Variants in ARHGEF7 observed in about 807,000 individuals in gnomAD.
ARHGEF7 encodes the protein Rho guanine nucleotide exchange factor 7.
Under a neutral mutation model 109.8 loss-of-function variants are expected in ARHGEF7, and 33 were observed. The ratio of observed to expected loss-of-function variants is 0.30; its 90% CI spans 0.23 to 0.40. ARHGEF7 has a LOEUF of 0.40. Among genes scored for constraint, ARHGEF7 ranks in the 10% least tolerant of loss-of-function variants. The pLI is 1.00. For synonymous variants in ARHGEF7, 458 were observed against 424.6 expected (o/e 1.08, Z -0.97); for missense variants, 938 against 1,098.5 (o/e 0.85, Z 2.07).
At chr13:111,129,619 A>C (rs968984364) in intron 1 of ARHGEF7, among the ~76,000 whole-genome samples, 7 of 152,224 alleles carry the variant, frequency 4.6e-5, no homozygotes, top group African/African-American at 1.7e-4. Context: ...ACTCAAAAAG[A>C]AGCTCAACAT....
At chr13:111,120,226 G>A (rs1230548648) in intron 1 of ARHGEF7, among the ~76,000 whole-genome samples, 1 of 152,200 alleles carries the variant, frequency 6.6e-6, no homozygotes, top group Non-Finnish European at 1.5e-5. Flanking sequence ...TGCATTTGCT[G>A]GCTCACTAAA....
chr13:111,116,009 G>A (rs2066737963), intron 1 of ARHGEF7, among the ~76,000 whole-genome samples: 1 of 151,990 alleles, frequency 6.6e-6, no homozygotes, highest in Non-Finnish European at 1.5e-5. Flanking sequence ...GCCCCTCCGC[G>A]TGGGGGGCCG....
intron 4 of ARHGEF7, 142 bp downstream of exon 4, chr13:111,210,144 A>C: frequency 9.0e-7 from 1 of 1,110,906 alleles, no homozygotes; most frequent in South Asian, 1.6e-5. Flanking sequence ...TTGTGCCTGT[A>C]ATCTGGTTTG....
intron 19 of ARHGEF7, among the ~76,000 whole-genome samples, chr13:111,298,543 A>G (rs2093477451): frequency 6.6e-6 from 1 of 152,254 alleles, no homozygotes; most frequent in Admixed American, 6.5e-5. Context: ...CTTGCAGCCC[A>G]AAGGGCTGTC....
At chr13:111,245,914 C>T (rs2088759268) in intron 8 of ARHGEF7, among the ~76,000 whole-genome samples, 1 of 152,178 alleles carries the variant, frequency 6.6e-6, no homozygotes, top group African/African-American at 2.4e-5. Flanking sequence ...GAACATGTTC[C>T]AATATCAAAT....
intron 1 of ARHGEF7, among the ~76,000 whole-genome samples, chr13:111,149,095 A>T (rs898064390): frequency 1.3e-5 from 2 of 152,130 alleles, no homozygotes; most frequent in Non-Finnish European, 2.9e-5. Flanking sequence ...CTAAAAAAAA[A>T]GCCCTATACA....
intron 5 of ARHGEF7, among the ~76,000 whole-genome samples, chr13:111,221,975 T>C (rs1273908648): frequency 6.6e-6 from 1 of 152,122 alleles, no homozygotes; most frequent in Non-Finnish European, 1.5e-5. Flanking sequence ...GAGAAAGATG[T>C]AGGCTGGGAG....
chr13:111,121,491 G>A lies in ARHGEF7; in HGVS notation c.165+5800G>A, dbSNP rs148169225. 7.9e-5 allele frequency among the ~76,000 whole-genome samples: 12 copies of A among 152,382 alleles called. No homozygotes were observed. In the East Asian group the frequency reaches 2.3e-3, roughly 29 times the overall value. On this transcript the variant is annotated intron_variant, in intron 1 of 21. Coordinates refer to ENST00000646102, the MANE Select transcript of ARHGEF7 (RefSeq NM_001354046.2). ...CTGATCACTCTAAAATGTAAAGAGT[G>A]GAGGCGATGGGGGCTGTGAGGTGAG...
chr13:111,265,935 G>A (rs2091592360), intron 8 of ARHGEF7, among the ~76,000 whole-genome samples: 2 of 152,214 alleles, frequency 1.3e-5, no homozygotes, highest in Admixed American at 6.5e-5. Flanking sequence ...GTTCCCAGCA[G>A]GGGCGGACTG....
chr13:111,195,793 T>C (rs999622386), intron 2 of ARHGEF7, among the ~76,000 whole-genome samples: 5 of 152,210 alleles, frequency 3.3e-5, no homozygotes, highest in African/African-American at 9.6e-5. Context: ...TAACAAGCCC[T>C]ACTGGGTGAT....
intron 2 of ARHGEF7, among the ~76,000 whole-genome samples, chr13:111,203,769 A>ATTT (rs1222358584): frequency 1.3e-5 from 2 of 152,208 alleles, no homozygotes; most frequent in African/African-American, 4.8e-5. Context: ...AAAATTATAG[A>ATTT]CAGAAGGCCT....
At chr13:111,245,815 T>C (rs747975725) in intron 8 of ARHGEF7, among the ~76,000 whole-genome samples, 3 of 152,212 alleles carry the variant, frequency 2.0e-5, no homozygotes, top group Non-Finnish European at 4.4e-5. Context: ...TTCCATAGTC[T>C]AAAATAAACA....
intron 1 of ARHGEF7, among the ~76,000 whole-genome samples, chr13:111,152,243 C>T (rs958629095): frequency 6.6e-6 from 1 of 152,164 alleles, no homozygotes; most frequent in African/African-American, 2.4e-5. Flanking sequence ...GTTTCTATTA[C>T]ACTTAGATTC....
In ARHGEF7 at chr13:111,222,921, A is replaced by G. The variant is rs76179010; in HGVS notation, c.670+5041A>G. Among the ~76,000 whole-genome samples the G allele has an allele frequency of 2.5e-3, 383 of 152,408 alleles. 1 individual carries two copies. Among genetic ancestry groups the G allele is most frequent in the African/African-American group, 8.8e-3 (367 of 41,604 alleles). ...CAACTGTGGTTCGAAACAGGTGAGA[A>G]CAATACAGTAAGATATCTTGAGAGA... is the stretch of plus-strand genomic sequence containing the variant. On this transcript the variant is annotated intron_variant, in intron 5 of 21. Coordinates refer to ENST00000646102, the MANE Select transcript of ARHGEF7 (RefSeq NM_001354046.2).
At position 111,228,391 on chromosome 13, in the gene ARHGEF7, T is replaced by C. The variant is rs1445382860; in HGVS notation, c.671-4814T>C. On this transcript the variant is annotated intron_variant, in intron 5 of 21. Coordinates refer to ENST00000646102, the MANE Select transcript of ARHGEF7 (RefSeq NM_001354046.2). The surrounding 1 kb of genome is among the most constrained non-coding windows in gnomAD (Gnocchi z 4.6). The stretch of plus-strand genomic sequence containing the variant: ...TTTAAAGAAGAAAAGCTCCCTTTGC[T>C]AACACTGAAGTGTTGGTGAGTGGAG... Among the ~76,000 whole-genome samples the C allele has an allele frequency of 1.3e-5, 2 of 152,226 alleles. No homozygotes were observed. Among genetic ancestry groups the C allele is most frequent in the Non-Finnish European group, 2.9e-5 (2 of 68,022 alleles).
chr13:111,288,091 C>T (rs548443256), intron 17 of ARHGEF7, among the ~76,000 whole-genome samples: 7 of 152,068 alleles, frequency 4.6e-5, no homozygotes, highest in African/African-American at 7.2e-5. Flanking sequence ...AATTTTCTTA[C>T]GGGTTGGTAG....
intron 2 of ARHGEF7, among the ~76,000 whole-genome samples, chr13:111,178,009 A>T (rs555334583): frequency 6.6e-6 from 1 of 152,332 alleles, no homozygotes; most frequent in South Asian, 2.1e-4. Flanking sequence ...GTGTTCACTC[A>T]GTGCCTGTCC....
intron 19 of ARHGEF7, among the ~76,000 whole-genome samples, chr13:111,296,799 T>C (rs942414755): frequency 1.3e-5 from 2 of 152,232 alleles, no homozygotes; most frequent in Non-Finnish European, 2.9e-5. Context: ...AAGGGTGCGC[T>C]GTGATTCTCC....
In ARHGEF7 at chr13:111,288,373, A is replaced by G. The variant is rs1228311138; in HGVS notation, c.2064A>G (p.Glu688=). The G allele has an allele frequency of 6.2e-7, 1 of 1,613,492 alleles. No homozygotes were observed. The highest frequency in any genetic ancestry group is 8.5e-7 in the Non-Finnish European group (1 of 1,179,482). Residue 688 remains glutamate, a synonymous_variant, in exon 18 of 22, where the codon GAA becomes GAG. Coordinates refer to ENST00000646102, the MANE Select transcript of ARHGEF7 (RefSeq NM_001354046.2). ...TGACAGGCACAGCTGCTTTGGAAGA[A>G]GATGCTCAGATTCTGAAAGTCATTG... is the stretch of plus-strand genomic sequence containing the variant. The part of the protein sequence containing the change: ...ASRKSTAALE[E]DAQILKVIEA...
Sources: allele counts gnomAD v4.1 joint callset (sites outside exome capture counted in the v4.1 genomes callset), GRCh38; gene constraint gnomAD v4.1.1; non-coding constraint Gnocchi (gnomAD v3.1); transcripts MANE v1.5; gene names NCBI Gene and HGNC (gene_info 2026-07-23, HGNC 2026-07-21).